The following DNAI7 variants were observed in gnomAD, a reference collection of about 807,000 sequenced individuals.
DNAI7 encodes the protein dynein axonemal intermediate chain 7.
A neutral mutation model predicts 86.6 loss-of-function variants in DNAI7; 78 were observed. The observed-to-expected ratio is 0.90, with a 90% CI of 0.75 to 1.09. The LOEUF is 1.09. DNAI7 is among the 50% of genes least tolerant of loss of function. The pLI, the probability that DNAI7 is intolerant of heterozygous loss-of-function variation, is 0.00. For synonymous variants in DNAI7, 274 were observed against 273.0 expected (o/e 1.00, Z -0.04); for missense variants, 753 against 810.2 (o/e 0.93, Z 0.86).
chr12:25,176,664 C>T (rs1354149223), intron 2 of DNAI7, among the ~76,000 whole-genome samples: 20 of 151,902 alleles, frequency 1.3e-4, no homozygotes, highest in Non-Finnish European at 2.9e-5. Flanking sequence ...TGAATTCCTT[C>T]ACCTCCTATG....
intron 11 of DNAI7, among the ~76,000 whole-genome samples, chr12:25,120,249 T>C (rs11047847): frequency 0.043 from 6,300 of 147,280 alleles, 443 homozygotes; most frequent in African/African-American, 0.14. Flanking sequence ...GGGTGAGAAG[T>C]ACCCAGCAAT....
chr12:25,112,531 C>T (rs1435043237), intron 13 of DNAI7, among the ~76,000 whole-genome samples: 3 of 151,062 alleles, frequency 2.0e-5, no homozygotes, highest in African/African-American at 4.9e-5. Context: ...TTCAGCCTCC[C>T]TAGTAGCTGG....
chr12:25,174,550 T>TCATATATATCCCATATATATGG lies in DNAI7; in HGVS notation c.22-13354_22-13353insCCATATATATGGGATATATATG, dbSNP rs1948678305. Among the ~76,000 whole-genome samples the TCATATATATCCCATATATATGG allele has an allele frequency of 3.3e-4, 14 of 42,334 alleles. 3 individuals are homozygous for TCATATATATCCCATATATATGG. Among genetic ancestry groups the TCATATATATCCCATATATATGG allele is most frequent in the South Asian group, 7.4e-4 (1 of 1,346 alleles). The allele number at this position is 42,334 out of a possible 152,430, so 27.8% of individuals were successfully genotyped here. On this transcript the variant is annotated intron_variant, in intron 2 of 15. Transcript: ENST00000395987. ...ATATCATATATATGGGATATATATA[T>TCATATATATCCCATATATATGG]GATATATATATCATATATATGGGAT...
intron 11 of DNAI7, among the ~76,000 whole-genome samples, chr12:25,119,703 T>C (rs1252606711): frequency 3.3e-5 from 5 of 152,080 alleles, no homozygotes; most frequent in Non-Finnish European, 7.4e-5. Context: ...TCTAATACCA[T>C]GCTAAGGGTG....
At chr12:25,180,916 C>T (rs1949439374) in intron 2 of DNAI7, among the ~76,000 whole-genome samples, 1 of 152,096 alleles carries the variant, frequency 6.6e-6, no homozygotes, top group African/African-American at 2.4e-5. Flanking sequence ...AAGAGATTCT[C>T]CTGCTTCAGC....
chr12:25,188,912 TAC>T (rs1565850787), intron 2 of DNAI7, among the ~76,000 whole-genome samples: 1 of 152,198 alleles, frequency 6.6e-6, no homozygotes, highest in Admixed American at 6.5e-5. Flanking sequence ...AATGAATGAT[TAC>T]AGAGACACAC....
intron 12 of DNAI7, among the ~76,000 whole-genome samples, chr12:25,117,427 A>T (rs1940344794): frequency 6.6e-6 from 1 of 152,220 alleles, no homozygotes; most frequent in Non-Finnish European, 1.5e-5. Flanking sequence ...GATTATGTAA[A>T]AGCTCTGTGC....
At position 25,154,328 on chromosome 12, in the gene DNAI7, T is replaced by G; in HGVS notation, c.429A>C (p.Val143=). 6.2e-7 allele frequency: 1 copy of G among 1,601,102 alleles called. No individual in the cohort carries two copies. Among genetic ancestry groups the G allele is most frequent in the Non-Finnish European group, 8.5e-7 (1 of 1,177,210 alleles). Residue 143 remains valine, a synonymous_variant, in exon 6 of 16, where the codon GTA becomes GTC. Coordinates refer to ENST00000395987, the MANE Select transcript of DNAI7 (RefSeq NM_018272.5). ...TFEEVIEKSK[V]VLNLIEKLKF... ...ATGCATAAATACCTACATTTAGCAC[T>G]ACTTTACTCTTCTCAATCACTTCCT...
chr12:25,194,478 A>G (rs552321802), intron 1 of DNAI7, among the ~76,000 whole-genome samples: 1 of 152,334 alleles, frequency 6.6e-6, no homozygotes, highest in South Asian at 2.1e-4. Flanking sequence ...GTCTTGATGG[A>G]AACCACATTT....
In DNAI7 at chr12:25,110,158, A is replaced by G; in HGVS notation, c.1862T>C (p.Leu621Pro). The G allele has an allele frequency of 6.2e-7, 1 of 1,606,984 alleles. No homozygotes were observed. Among genetic ancestry groups the G allele is most frequent in the Non-Finnish European group, 8.5e-7 (1 of 1,173,460 alleles). Reference sequence around the variant, plus strand: ...TACGACTTTTGTAGAATTACATAGTAGGTTCCACTTGCTCCAACCAAATGC... The same window carrying G: ...TACGACTTTTGTAGAATTACATAGTGGGTTCCACTTGCTCCAACCAAATGC... Reference protein sequence around the residue: ...AFAFGWSKWNLLCNSTKVVFK... With the variant: ...AFAFGWSKWNPLCNSTKVVFK... The change falls in exon 15 of 16, where the codon CTA (leucine) becomes CCA (proline). Residue 621 changes from leucine (L) to proline (P), a missense_variant. Leu to Pro is a moderately conservative substitution (Grantham distance 98). Coordinates refer to ENST00000395987, the MANE Select transcript of DNAI7 (RefSeq NM_018272.5).
rs530522844 is a variant in DNAI7 at position 25,139,186 on chromosome 12, G to A, written c.1002+5179C>T. ...AAATAGAAGCTCTGAACAGATCAAT[G>A]GCAAGCAGCAAGACTGAAATGGTAA... On this transcript the variant is annotated intron_variant, in intron 9 of 15. Coordinates refer to ENST00000395987, the MANE Select transcript of DNAI7 (RefSeq NM_018272.5). Among the ~76,000 whole-genome samples the A allele has an allele frequency of 6.6e-5, 10 of 151,838 alleles. No homozygotes were observed. In the South Asian group the frequency reaches 2.1e-3, roughly 32 times the overall value.
At chr12:25,116,733 G>T (rs369539337) in intron 12 of DNAI7, among the ~76,000 whole-genome samples, 257 of 151,636 alleles carry the variant, frequency 1.7e-3, no homozygotes, top group African/African-American at 6.0e-3. Flanking sequence ...GACCTCAGGT[G>T]TTCCGCCTGC....
intron 9 of DNAI7, among the ~76,000 whole-genome samples, chr12:25,142,749 G>A (rs1307125800): frequency 1.3e-5 from 2 of 152,080 alleles, no homozygotes; most frequent in East Asian, 3.9e-4. Flanking sequence ...TTTATTTTAG[G>A]TTAATGGGGT....
chr12:25,108,174 G>A, downstream of DNAI7: 1 of 1,203,688 alleles, frequency 8.3e-7, no homozygotes, highest in Non-Finnish European at 1.2e-6. Context: ...TTCTCAGAAT[G>A]ACTGTAAGAT....
At chr12:25,119,073 T>C (rs1156681538) in intron 12 of DNAI7, 72 bp downstream of exon 12, 1 of 1,266,290 alleles carries the variant, frequency 7.9e-7, no homozygotes, top group Non-Finnish European at 1.1e-6. Context: ...GTTAATACAC[T>C]ACACTTTCTG....
chr12:25,112,304 C>T (rs1424673105), intron 13 of DNAI7, among the ~76,000 whole-genome samples: 9 of 151,604 alleles, frequency 5.9e-5, no homozygotes, highest in Non-Finnish European at 1.3e-4. Context: ...ATTCTTTTCA[C>T]ATCCGTAAAA....
chr12:25,178,794 C>T (rs954716333), intron 2 of DNAI7, among the ~76,000 whole-genome samples: 6 of 152,008 alleles, frequency 3.9e-5, no homozygotes, highest in Non-Finnish European at 5.9e-5. Context: ...ATGGAGAAGG[C>T]GGCATTTAAG....
intron 9 of DNAI7, among the ~76,000 whole-genome samples, chr12:25,134,352 CT>C (rs5797119): frequency 1.1e-5 from 1 of 91,160 alleles, no homozygotes. Flanking sequence ...CCTTGGCGTA[CT>C]TTTTTTTTTT....
intron 2 of DNAI7, among the ~76,000 whole-genome samples, chr12:25,164,210 G>A (rs1008349153): frequency 2.7e-5 from 4 of 148,112 alleles, no homozygotes; most frequent in Admixed American, 1.4e-4. Flanking sequence ...ACTTTTCTGC[G>A]GGGCAAGAAA....
Sources: allele counts gnomAD v4.1 joint callset (sites outside exome capture counted in the v4.1 genomes callset), GRCh38; gene constraint gnomAD v4.1.1; transcripts MANE v1.5; gene names NCBI Gene and HGNC (gene_info 2026-07-23, HGNC 2026-07-21).